The following CSNK1A1 variants were observed in gnomAD, a reference collection of about 807,000 sequenced individuals.
CSNK1A1 encodes casein kinase 1 alpha 1, also known as casein kinase I isoform alpha.
Under a neutral mutation model 46.1 loss-of-function variants are expected in CSNK1A1, and 7 were observed. The observed-to-expected ratio is 0.15, with a 90% CI of 0.09 to 0.29. CSNK1A1 has a LOEUF of 0.29. Among genes scored for constraint, CSNK1A1 ranks in the 10% least tolerant of loss-of-function variants. The pLI is 1.00. For synonymous variants in CSNK1A1, 137 were observed against 141.5 expected (o/e 0.97, Z 0.23); for missense variants, 96 against 417.1 (o/e 0.23, Z 6.71).
In CSNK1A1 at chr5:149,503,091, C is replaced by T. The variant is rs1760923551; in HGVS notation, c.1006+2356G>A. On this transcript the variant is annotated intron_variant, in intron 9 of 9. Transcript: ENST00000377843. ...GAGTTATTCCTTAAATAAAGAACCA[C>T]TATAGTGGACCTTAAGAGACTATGC... 1.0e-5 allele frequency: 10 copies of T among 985,310 alleles called. No homozygotes were observed. In the South Asian group the frequency reaches 3.3e-4, roughly 32 times the overall value. 61.0% of individuals were successfully genotyped at this position (985,310 alleles called of 1,614,324 possible).
rs1760995190 is a variant in CSNK1A1 at position 149,505,569 on chromosome 5, G to A, written c.884C>T (p.Thr295Ile). ...FRTLNHQYDY[T>I]FDWTMLKQKA... ...CTGCTTTAACATTGTCCAATCAAAT[G>A]TGTAGTCATATTGATGGTTCAGGGT... The change falls in exon 9 of 10, where the codon ACA becomes ATA. Residue 295 changes from threonine to isoleucine, a missense_variant. Coordinates refer to ENST00000377843, the MANE Select transcript of CSNK1A1 (RefSeq NM_001892.6). The A allele has an allele frequency of 6.2e-7, 1 of 1,614,034 alleles. No homozygotes were observed. The highest frequency in any genetic ancestry group is 8.5e-7 in the Non-Finnish European group (1 of 1,180,024).
chr5:149,510,953 G>GCACTACAA (rs1376273666), intron 6 of CSNK1A1, among the ~76,000 whole-genome samples: 3 of 152,142 alleles, frequency 2.0e-5, no homozygotes, highest in Non-Finnish European at 4.4e-5. Flanking sequence ...CAAGGACTGA[G>GCACTACAA]CACTACAACT....
At chr5:149,506,716 C>T (rs1444204216) in intron 8 of CSNK1A1, among the ~76,000 whole-genome samples, 2 of 152,104 alleles carry the variant, frequency 1.3e-5, no homozygotes, top group Admixed American at 6.5e-5. Context: ...TTATTTGGTA[C>T]TGTACAAAGT....
At chr5:149,505,348 T>C in intron 9 of CSNK1A1, 99 bp downstream of exon 9, 1 of 1,478,010 alleles carries the variant, frequency 6.8e-7, no homozygotes. Context: ...TTTTATGTAT[T>C]TTAAAACCAC....
intron 3 of CSNK1A1, among the ~76,000 whole-genome samples, chr5:149,520,703 C>T (rs976915210): frequency 4.6e-5 from 7 of 152,064 alleles, no homozygotes; most frequent in Non-Finnish European, 7.4e-5. Flanking sequence ...TCAGTTGCTA[C>T]AATAAAGGAA....
intron 9 of CSNK1A1, chr5:149,497,909 C>A: frequency 1.2e-6 from 1 of 848,434 alleles, no homozygotes. Flanking sequence ...TCTTGGCTCA[C>A]CGCAACCTCT....
intron 3 of CSNK1A1, among the ~76,000 whole-genome samples, chr5:149,521,337 A>C (rs765944547): frequency 1.3e-5 from 2 of 148,506 alleles, no homozygotes; most frequent in African/African-American, 5.0e-5. Flanking sequence ...TGAAGCAACC[A>C]TAACTCACTG....
At chr5:149,504,210 C>T in intron 9 of CSNK1A1, 2 of 985,408 alleles carry the variant, frequency 2.0e-6, no homozygotes, top group Admixed American at 6.1e-5. Flanking sequence ...CGACAATAAA[C>T]CTTCAACTTT....
At chr5:149,513,439 T>G (rs917820492) in intron 4 of CSNK1A1, among the ~76,000 whole-genome samples, 2 of 152,168 alleles carry the variant, frequency 1.3e-5, no homozygotes, top group African/African-American at 2.4e-5. Context: ...CCTTGTCGTT[T>G]GCAGATTTCA....
At chr5:149,511,714 C>A (rs1761228897) in intron 6 of CSNK1A1, 80 bp downstream of exon 6, 2 of 970,792 alleles carry the variant, frequency 2.1e-6, no homozygotes, top group Admixed American at 4.6e-5. Flanking sequence ...TTAGAAGGGA[C>A]CTTAAATCTT....
chr5:149,548,335 G>A (rs904987300), intron 2 of CSNK1A1, among the ~76,000 whole-genome samples: 12 of 152,156 alleles, frequency 7.9e-5, no homozygotes, highest in Non-Finnish European at 1.6e-4. Flanking sequence ...GGGAGGCTGA[G>A]GCAGGTGGAT....
intron 2 of CSNK1A1, among the ~76,000 whole-genome samples, chr5:149,536,400 A>G (rs1042862440): frequency 2.0e-5 from 3 of 152,220 alleles, no homozygotes; most frequent in African/African-American, 7.2e-5. Context: ...TGCTTAGAAA[A>G]TCCTCTTTAA....
At chr5:149,514,980 T>G (rs1761355424) in intron 4 of CSNK1A1, among the ~76,000 whole-genome samples, 1 of 152,200 alleles carries the variant, frequency 6.6e-6, no homozygotes, top group African/African-American at 2.4e-5. Context: ...AAGCTTATAC[T>G]TTAAGTTTCT....
chr5:149,551,121 A>C lies in CSNK1A1; in HGVS notation c.-157T>G. 1.4e-6 allele frequency: 1 copy of C among 702,768 alleles called. No homozygotes were observed. Among genetic ancestry groups the C allele is most frequent in the Non-Finnish European group, 2.3e-6 (1 of 426,740 alleles). 43.5% of individuals were successfully genotyped at this position (702,768 alleles called of 1,614,324 possible). A position where few individuals can be genotyped will look rare whatever the true frequency, so the allele number is the denominator to read the frequency against. On this transcript the variant is annotated 5_prime_UTR_variant, in exon 1 of 10. Coordinates refer to ENST00000377843, the MANE Select transcript of CSNK1A1 (RefSeq NM_001892.6). ...GGGGTTCGGGGCCCAGAATCAGCAGAGGGGAACCTGATCACCGCCGCTCAG... is the reference window on the plus strand; with the variant it reads ...GGGGTTCGGGGCCCAGAATCAGCAGCGGGGAACCTGATCACCGCCGCTCAG...
intron 2 of CSNK1A1, among the ~76,000 whole-genome samples, chr5:149,537,511 C>T (rs530507152): frequency 5.9e-4 from 90 of 152,132 alleles, no homozygotes; most frequent in Admixed American, 1.8e-3. Context: ...CAATGGAGTG[C>T]CAAAACCTCA....
chr5:149,546,657 G>A (rs548631212), intron 2 of CSNK1A1, among the ~76,000 whole-genome samples: 49 of 151,162 alleles, frequency 3.2e-4, no homozygotes, highest in Middle Eastern at 6.9e-3. Context: ...AAATCCTATA[G>A]GGAATTTTGT....
At chr5:149,507,707 G>T (rs1554115120) in intron 7 of CSNK1A1, among the ~76,000 whole-genome samples, 3 of 152,006 alleles carry the variant, frequency 2.0e-5, no homozygotes, top group Non-Finnish European at 2.9e-5. Context: ...CAAGAGATCT[G>T]CCCCCCTTGG....
At chr5:149,536,091 T>G (rs1762054194) in intron 2 of CSNK1A1, among the ~76,000 whole-genome samples, 1 of 152,182 alleles carries the variant, frequency 6.6e-6, no homozygotes, top group Non-Finnish European at 1.5e-5. Flanking sequence ...GTAGCTGGTA[T>G]CACAGGCACG....
chr5:149,542,640 GTATATATATATATATATATATATATA>G lies in CSNK1A1; in HGVS notation c.230+7409_230+7434del, dbSNP rs1311690619. 5.7e-3 allele frequency among the ~76,000 whole-genome samples: 75 copies of G among 13,054 alleles called. 8 individuals are homozygous for G. Among genetic ancestry groups the G allele is most frequent in the African/African-American group, 0.025 (72 of 2,842 alleles). 8.6% of individuals were successfully genotyped at this position (13,054 alleles called of 152,430 possible). ...TATATATATATATATATATATATAT[GTATATATATATATATATATATATATA>G]TATATGTATATATATATATATATAT... On this transcript the variant is annotated intron_variant, in intron 2 of 9. Transcript: ENST00000377843.
Sources: gnomAD v4.1 joint callset for allele counts (sites outside exome capture counted in the v4.1 genomes callset) on GRCh38, gnomAD v4.1.1 for gene constraint, MANE v1.5 for transcripts, NCBI Gene and HGNC (gene_info 2026-07-23, HGNC 2026-07-21) for gene names.